The following NAV2 variants were observed in gnomAD, a reference collection of about 807,000 sequenced individuals.
NAV2 encodes neuron navigator 2, also known as helicase, APC down-regulated 1.
Under a neutral mutation model 223.2 loss-of-function variants are expected in NAV2, and 54 were observed. The observed-to-expected ratio is 0.24, with a 90% CI of 0.19 to 0.30. NAV2 has a LOEUF of 0.30. Among genes scored for constraint, NAV2 ranks in the 10% least tolerant of loss-of-function variants. NAV2 has a pLI of 1.00. For synonymous variants in NAV2, 1,279 were observed against 1,239.3 expected (o/e 1.03, Z -0.67); for missense variants, 2,806 against 3,147.5 (o/e 0.89, Z 2.60).
intron 1 of NAV2, among the ~76,000 whole-genome samples, chr11:19,466,883 AAATGGGATTTTTAAATGTATTT>A (rs1564959769): frequency 6.6e-6 from 1 of 152,188 alleles, no homozygotes; most frequent in Non-Finnish European, 1.5e-5. Context: ...CTTGCTACAA[AAATGGGATTTTTAAATGTATTT>A]CTCTAATTCT....
chr11:19,850,687 G>A (rs2061064763), intron 3 of NAV2, among the ~76,000 whole-genome samples: 1 of 152,130 alleles, frequency 6.6e-6, no homozygotes, highest in African/African-American at 2.4e-5. Flanking sequence ...ATTACTCTCA[G>A]GACTTGTGGT....
chr11:19,705,313 C>T (rs1407187271), intron 1 of NAV2, among the ~76,000 whole-genome samples: 1 of 152,214 alleles, frequency 6.6e-6, no homozygotes, highest in Non-Finnish European at 1.5e-5. Context: ...ACTGTTTGGA[C>T]TGGAGAATCC....
rs1196108056 is a variant in NAV2 at position 20,114,597 on chromosome 11, T to C, written c.6966T>C (p.Tyr2322=). The change falls in exon 37 of 38, where the codon TAT becomes TAC. Residue 2322 remains tyrosine, a synonymous_variant. Coordinates refer to ENST00000349880, the MANE Select transcript of NAV2 (RefSeq NM_145117.5). ...LEAVREGLQL[Y]GRRAPWEDPA... ...CCTTCTTTGCCTGTTTTCAGCTCTA[T>C]GGAAGGCGCGCCCCCTGGGAGGATC... The C allele has an allele frequency of 1.2e-6, 2 of 1,614,088 alleles. No individual in the cohort carries two copies. The highest frequency in any genetic ancestry group is 1.7e-6 in the Non-Finnish European group (2 of 1,180,012).
At chr11:20,047,706 G>GGATT (rs780888420) in intron 14 of NAV2, among the ~76,000 whole-genome samples, 2 of 152,162 alleles carry the variant, frequency 1.3e-5, no homozygotes, top group Non-Finnish European at 2.9e-5. Context: ...ACTGTAGTAA[G>GGATT]GATTGATTGA....
At chr11:19,800,897 T>C (rs1031873215) in intron 1 of NAV2, among the ~76,000 whole-genome samples, 13 of 152,184 alleles carry the variant, frequency 8.5e-5, no homozygotes, top group Admixed American at 2.6e-4. Context: ...TTCCCCATCC[T>C]AGACAAGGCA....
At chr11:19,582,162 T>C (rs1226856589) in intron 1 of NAV2, among the ~76,000 whole-genome samples, 1 of 152,244 alleles carries the variant, frequency 6.6e-6, no homozygotes, top group Non-Finnish European at 1.5e-5. Flanking sequence ...ATAAATGTCT[T>C]CTTTTGAGAA....
chr11:19,356,255 C>T (rs1268985834), intron 1 of NAV2, among the ~76,000 whole-genome samples: 1 of 152,178 alleles, frequency 6.6e-6, no homozygotes, highest in Non-Finnish European at 1.5e-5. Flanking sequence ...GCTTTGAGAC[C>T]TGACTCAGGT....
In NAV2 at chr11:19,832,511, C is replaced by T; in HGVS notation, c.295C>T (p.Leu99=). ...CTACACAGACTGGGCCAATCATTACCTAGCCAAATCCGGCCACAAGCGTCT... is the reference window on the plus strand; with the variant it reads ...CTACACAGACTGGGCCAATCATTACTTAGCCAAATCCGGCCACAAGCGTCT... ...QIYTDWANHY[L]AKSGHKRLIR... is the part of the protein sequence containing the mutation. The change falls in exon 2 of 38, where the codon CTA becomes TTA. Residue 99 remains leucine, a synonymous_variant. Coordinates refer to ENST00000349880, the MANE Select transcript of NAV2 (RefSeq NM_145117.5). 1 of 1,614,176 alleles carries T rather than the reference C, an allele frequency of 6.2e-7. No individual in the cohort carries two copies. The highest frequency in any genetic ancestry group is 8.5e-7 in the Non-Finnish European group (1 of 1,180,028).
chr11:19,476,873 G>T (rs1484042174), intron 1 of NAV2, among the ~76,000 whole-genome samples: 2 of 152,272 alleles, frequency 1.3e-5, no homozygotes, highest in African/African-American at 4.8e-5. Context: ...CTGGGTCAGG[G>T]CATCTTGCCC....
At chr11:19,470,905 A>G (rs1253144227) in intron 1 of NAV2, among the ~76,000 whole-genome samples, 1 of 152,144 alleles carries the variant, frequency 6.6e-6, no homozygotes, top group Non-Finnish European at 1.5e-5. Context: ...AGTGTCCCTC[A>G]TTGACCAAGA....
At chr11:19,371,360 C>T (rs1302481248) in intron 1 of NAV2, among the ~76,000 whole-genome samples, 2 of 152,140 alleles carry the variant, frequency 1.3e-5, no homozygotes, top group Non-Finnish European at 2.9e-5. Flanking sequence ...CATGTTCTTC[C>T]TGTTTCCATC....
chr11:19,375,473 T>G (rs1214264024), intron 1 of NAV2, among the ~76,000 whole-genome samples: 1 of 152,186 alleles, frequency 6.6e-6, no homozygotes, highest in East Asian at 1.9e-4. Flanking sequence ...AATTTCAATA[T>G]CTACCTCCTC....
At chr11:19,498,309 T>C (rs936358820) in intron 1 of NAV2, among the ~76,000 whole-genome samples, 3 of 152,128 alleles carry the variant, frequency 2.0e-5, no homozygotes, top group Admixed American at 6.5e-5. Flanking sequence ...CACCAGGAGG[T>C]TGGTCCCCAA....
chr11:19,830,709 AGAACCGGGACCT>A (rs1261621742), intron 1 of NAV2, among the ~76,000 whole-genome samples: 1 of 152,226 alleles, frequency 6.6e-6, no homozygotes, highest in African/African-American at 2.4e-5. Context: ...TGGAGCCTAC[AGAACCGGGACCT>A]GAACCCATGT....
At chr11:19,886,245 T>A (rs1342430840) in intron 5 of NAV2, among the ~76,000 whole-genome samples, 1 of 152,086 alleles carries the variant, frequency 6.6e-6, no homozygotes, top group Admixed American at 6.5e-5. Flanking sequence ...CCCAGGGCGC[T>A]GGGATTACAG....
At chr11:19,446,668 C>T (rs759442369) in intron 1 of NAV2, among the ~76,000 whole-genome samples, 50 of 152,244 alleles carry the variant, frequency 3.3e-4, no homozygotes, top group Non-Finnish European at 6.2e-4. Flanking sequence ...GCCTGCCTGC[C>T]TGCCTGCCGC....
chr11:19,572,267 C>CT (rs1483818660), intron 1 of NAV2, among the ~76,000 whole-genome samples: 2 of 152,194 alleles, frequency 1.3e-5, no homozygotes, highest in Non-Finnish European at 2.9e-5. Context: ...TCGCTGAACT[C>CT]TAAGATCAGG....
chr11:19,534,058 T>G (rs1467478651), intron 1 of NAV2, among the ~76,000 whole-genome samples: 1 of 152,162 alleles, frequency 6.6e-6, no homozygotes, highest in African/African-American at 2.4e-5. Context: ...CTCAGGACAT[T>G]TGCACTTGTC....
At chr11:19,757,014 G>GGCTGGGCTGA (rs1278475753) in intron 1 of NAV2, among the ~76,000 whole-genome samples, 3 of 152,084 alleles carry the variant, frequency 2.0e-5, no homozygotes, top group Non-Finnish European at 4.4e-5. Context: ...GACTGAGCTG[G>GGCTGGGCTGA]GCTGGGCTGG....
Sources: allele counts gnomAD v4.1 joint callset (sites outside exome capture counted in the v4.1 genomes callset), GRCh38; gene constraint gnomAD v4.1.1; transcripts MANE v1.5; gene names NCBI Gene and HGNC (gene_info 2026-07-23, HGNC 2026-07-21).